FGGY: variants seen among roughly 807,000 people sequenced by gnomAD.
FGGY encodes the protein FGGY carbohydrate kinase domain containing.
FGGY carries 72 observed loss-of-function variants against 71.3 expected under a neutral mutation model. The ratio of observed to expected loss-of-function variants is 1.01; its 90% CI spans 0.84 to 1.23. The LOEUF is 1.23. FGGY is among the 50% of genes most tolerant of loss of function. FGGY has a pLI of 0.00. For missense variants in FGGY, 668 were observed against 682.3 expected (o/e 0.98, Z 0.23); for synonymous variants, 251 against 250.3 (o/e 1.00, Z -0.02).
intron 6 of FGGY, among the ~76,000 whole-genome samples, chr1:59,480,258 C>T (rs917518453): frequency 1.3e-5 from 2 of 152,194 alleles, no homozygotes; most frequent in Non-Finnish European, 2.9e-5. Flanking sequence ...GAATTATGGT[C>T]TCCCCTCCTT....
chr1:59,396,800 A>C (rs1022988694), intron 5 of FGGY, among the ~76,000 whole-genome samples: 1 of 152,218 alleles, frequency 6.6e-6, no homozygotes, highest in Non-Finnish European at 1.5e-5. Context: ...ATGGAGATGC[A>C]TGATGAGCAC....
chr1:59,557,446 GTAAATACT>G (rs2095708286), intron 8 of FGGY, among the ~76,000 whole-genome samples: 1 of 152,194 alleles, frequency 6.6e-6, no homozygotes, highest in African/African-American at 2.4e-5. Context: ...GTGAGTATTG[GTAAATACT>G]TAGAAGCTTC....
chr1:59,319,852 G>C (rs2046079566), intron 1 of FGGY, among the ~76,000 whole-genome samples: 1 of 152,182 alleles, frequency 6.6e-6, no homozygotes, highest in South Asian at 2.1e-4. Flanking sequence ...TCCTGAGAGA[G>C]GGCCTAGCAG....
At chr1:59,310,079 A>G (rs530665438) in intron 1 of FGGY, 1 of 150,958 alleles carries the variant, frequency 6.6e-6, no homozygotes, top group Non-Finnish European at 1.5e-5. Flanking sequence ...TGAGGGGGGA[A>G]ATTTTGCATG....
chr1:59,601,531 C>T (rs2096578225), intron 8 of FGGY, among the ~76,000 whole-genome samples: 1 of 152,170 alleles, frequency 6.6e-6, no homozygotes, highest in African/African-American at 2.4e-5. Flanking sequence ...GGGCAATTTG[C>T]TTACCCTCTT....
intron 5 of FGGY, among the ~76,000 whole-genome samples, chr1:59,419,920 T>G (rs778689891): frequency 3.3e-5 from 5 of 152,230 alleles, no homozygotes; most frequent in Non-Finnish European, 7.3e-5. Flanking sequence ...TAAATGCTGC[T>G]AAGCTGTTGA....
chr1:59,513,054 C>T (rs1001646479), intron 7 of FGGY, among the ~76,000 whole-genome samples: 4 of 152,206 alleles, frequency 2.6e-5, no homozygotes, highest in Non-Finnish European at 4.4e-5. Flanking sequence ...CAAAGAATTA[C>T]AGTAAAGAAT....
intron 14 of FGGY, among the ~76,000 whole-genome samples, chr1:59,747,840 A>G (rs1045458491): frequency 7.9e-5 from 12 of 152,204 alleles, no homozygotes; most frequent in African/African-American, 2.4e-4. Context: ...CAAAGTCATC[A>G]GAAGAAAATA....
intron 11 of FGGY, among the ~76,000 whole-genome samples, chr1:59,657,107 T>TA (rs1401691414): frequency 6.6e-6 from 1 of 152,228 alleles, no homozygotes; most frequent in African/African-American, 2.4e-5. Context: ...TCTTCTCTCT[T>TA]ATGGATTCTT....
chr1:59,519,686 T>TA (rs1435259210), intron 7 of FGGY, among the ~76,000 whole-genome samples: 1 of 152,214 alleles, frequency 6.6e-6, no homozygotes, highest in Non-Finnish European at 1.5e-5. Flanking sequence ...GACCATTTCT[T>TA]ACATGTGTCC....
At chr1:59,716,614 T>C (rs1260847325) in intron 14 of FGGY, among the ~76,000 whole-genome samples, 1 of 152,096 alleles carries the variant, frequency 6.6e-6, no homozygotes, top group Admixed American at 6.6e-5. Flanking sequence ...ACAATCTAAT[T>C]AGGGAGACAA....
intron 14 of FGGY, among the ~76,000 whole-genome samples, chr1:59,714,383 T>C (rs1389666814): frequency 6.6e-6 from 1 of 152,134 alleles, no homozygotes; most frequent in African/African-American, 2.4e-5. Flanking sequence ...TAGTGGTGGG[T>C]GAATCTTTGT....
At chr1:59,391,130 G>T (rs2060638692) in intron 5 of FGGY, among the ~76,000 whole-genome samples, 1 of 152,174 alleles carries the variant, frequency 6.6e-6, no homozygotes, top group African/African-American at 2.4e-5. Flanking sequence ...TAAACCTGTG[G>T]TTCGATGACC....
chr1:59,722,692 A>G (rs1558908252), intron 14 of FGGY, among the ~76,000 whole-genome samples: 1 of 152,266 alleles, frequency 6.6e-6, no homozygotes, highest in East Asian at 1.9e-4. Context: ...AAATTATTAT[A>G]TTCTTACTTT....
intron 14 of FGGY, among the ~76,000 whole-genome samples, chr1:59,723,847 G>C (rs2097917769): frequency 6.6e-6 from 1 of 152,124 alleles, no homozygotes; most frequent in Non-Finnish European, 1.5e-5. Flanking sequence ...ATATCATATA[G>C]AATAGTTTCA....
At chr1:59,538,507 G>T (rs1212684545) in intron 7 of FGGY, among the ~76,000 whole-genome samples, 24 of 150,024 alleles carry the variant, frequency 1.6e-4, no homozygotes, top group Admixed American at 1.3e-3. Flanking sequence ...TATACCCAAA[G>T]GACTATAAAT....
chr1:59,507,832 G>C (rs1313974158), intron 6 of FGGY, among the ~76,000 whole-genome samples: 1 of 151,956 alleles, frequency 6.6e-6, no homozygotes, highest in Admixed American at 6.6e-5. Flanking sequence ...ACCACGCCCG[G>C]CCACATTTAT....
chr1:59,483,573 A>G (rs960969840), intron 6 of FGGY, among the ~76,000 whole-genome samples: 3 of 152,150 alleles, frequency 2.0e-5, no homozygotes, highest in African/African-American at 7.2e-5. Context: ...CTCTGTATCT[A>G]GTTCGATTCT....
chr1:59,419,740 A>G (rs1457193767), intron 5 of FGGY, among the ~76,000 whole-genome samples: 2 of 152,182 alleles, frequency 1.3e-5, no homozygotes, highest in East Asian at 1.9e-4. Context: ...TAAGCATAAT[A>G]TGGAGGTTTG....
Sources: gnomAD v4.1 joint callset for allele counts (sites outside exome capture counted in the v4.1 genomes callset) on GRCh38, gnomAD v4.1.1 for gene constraint, MANE v1.5 for transcripts, NCBI Gene and HGNC (gene_info 2026-07-23, HGNC 2026-07-21) for gene names.